The following KCNMB4 variants were observed in gnomAD, a reference collection of about 807,000 sequenced individuals.
KCNMB4 encodes the protein calcium-activated potassium channel subunit beta-4.
In KCNMB4, 3 loss-of-function variants were observed where a neutral mutation model predicts 20.7. The observed-to-expected ratio is 0.14, with a 90% confidence interval of 0.07 to 0.37. The LOEUF is 0.37. Ranked by LOEUF, KCNMB4 falls within the 10% of genes least tolerant of loss-of-function variation. KCNMB4 has a pLI of 1.00. For missense variants in KCNMB4, 168 were observed against 265.9 expected (o/e 0.63, Z 2.56); for synonymous variants, 110 against 113.4 (o/e 0.97, Z 0.19).
At chr12:70,419,109 A>T (rs1868984188) in intron 2 of KCNMB4, among the ~76,000 whole-genome samples, 1 of 152,222 alleles carries the variant, frequency 6.6e-6, no homozygotes, top group South Asian at 2.1e-4. Context: ...ATTATCAGAC[A>T]TGCTATATCA....
intron 2 of KCNMB4, chr12:70,422,778 C>T: frequency 1.6e-6 from 2 of 1,271,548 alleles, no homozygotes; most frequent in South Asian, 1.3e-5. Flanking sequence ...CCTTAATAGG[C>T]CCCCGATCTC....
chr12:70,421,470 G>GAAAAAAAAA (rs61303899), intron 2 of KCNMB4, among the ~76,000 whole-genome samples: 3 of 75,670 alleles, frequency 4.0e-5, no homozygotes, highest in Non-Finnish European at 7.3e-5. Flanking sequence ...TCTCAAAAAA[G>GAAAAAAAAA]AAAAAAAAAA....
chr12:70,426,159 T>TG (rs1276703207), intron 2 of KCNMB4, among the ~76,000 whole-genome samples: 3 of 151,964 alleles, frequency 2.0e-5, no homozygotes, highest in Admixed American at 2.0e-4. Flanking sequence ...TGGGGTGTGG[T>TG]GGCAGGCGCC....
chr12:70,371,139 G>A (rs1201675860), intron 1 of KCNMB4, among the ~76,000 whole-genome samples: 1 of 152,218 alleles, frequency 6.6e-6, no homozygotes, highest in South Asian at 2.1e-4. Flanking sequence ...TTACAGGCGT[G>A]AGCCAACACG....
chr12:70,396,347 G>A (rs983991174), intron 1 of KCNMB4, among the ~76,000 whole-genome samples: 2 of 152,122 alleles, frequency 1.3e-5, no homozygotes, highest in African/African-American at 4.8e-5. Context: ...CTCTGTCACC[G>A]AAGCTGGAGT....
chr12:70,386,016 C>T (rs767153507), intron 1 of KCNMB4, among the ~76,000 whole-genome samples: 2 of 152,084 alleles, frequency 1.3e-5, no homozygotes, highest in Non-Finnish European at 2.9e-5. Context: ...TTTATGATTA[C>T]ATTGAAACAA....
intron 1 of KCNMB4, among the ~76,000 whole-genome samples, chr12:70,397,081 G>A (rs1454410789): frequency 2.0e-5 from 3 of 152,136 alleles, no homozygotes; most frequent in Non-Finnish European, 4.4e-5. Flanking sequence ...TTTCAGACCA[G>A]GTGTGATGGC....
At chr12:70,418,432 C>T (rs1264670084) in intron 2 of KCNMB4, among the ~76,000 whole-genome samples, 1 of 152,158 alleles carries the variant, frequency 6.6e-6, no homozygotes, top group African/African-American at 2.4e-5. Flanking sequence ...TGTGCAGTCA[C>T]TATGCTTGGT....
intron 2 of KCNMB4, among the ~76,000 whole-genome samples, chr12:70,418,274 A>T (rs1565865978): frequency 6.6e-6 from 1 of 152,000 alleles, no homozygotes; most frequent in Non-Finnish European, 1.5e-5. Flanking sequence ...GGTTTCTCAC[A>T]CCCACGTTGC....
chr12:70,398,825 A>G (rs1235892086), intron 1 of KCNMB4, among the ~76,000 whole-genome samples: 2 of 152,222 alleles, frequency 1.3e-5, no homozygotes, highest in Non-Finnish European at 2.9e-5. Flanking sequence ...GAAGGCTGAC[A>G]TAAAACAGGC....
chr12:70,430,737 G>T lies in KCNMB4; in HGVS notation c.*84G>T, dbSNP rs765821544. 8.1e-6 allele frequency: 11 copies of T among 1,358,394 alleles called. No individual in the cohort carries two copies. Among genetic ancestry groups the T allele is most frequent in the African/African-American group, 1.5e-5 (1 of 67,102 alleles). The allele number at this position is 1,358,394 out of a possible 1,614,324, so 84.1% of individuals were successfully genotyped here. A position where few individuals can be genotyped will look rare whatever the true frequency, so the allele number is the denominator to read the frequency against. ...ACCTGCGGAACCTGTGTTTCCTGGC[G>T]CAGGAGATGGACAGGGCCACGACAG... On this transcript the variant is annotated 3_prime_UTR_variant, in exon 3 of 3. Coordinates refer to ENST00000258111, the MANE Select transcript of KCNMB4 (RefSeq NM_014505.6).
intron 2 of KCNMB4, among the ~76,000 whole-genome samples, chr12:70,425,758 G>A (rs1195899008): frequency 6.6e-6 from 1 of 152,146 alleles, no homozygotes; most frequent in Non-Finnish European, 1.5e-5. Flanking sequence ...AGAAACATAG[G>A]ACACTTCAGG....
At chr12:70,387,197 C>A (rs1448796826) in intron 1 of KCNMB4, among the ~76,000 whole-genome samples, 1 of 151,272 alleles carries the variant, frequency 6.6e-6, no homozygotes, top group Non-Finnish European at 1.5e-5. Flanking sequence ...AAAAATGTAT[C>A]ATTCCGACAG....
At chr12:70,376,759 C>G (rs1883694390) in intron 1 of KCNMB4, among the ~76,000 whole-genome samples, 1 of 150,114 alleles carries the variant, frequency 6.7e-6, no homozygotes, top group Non-Finnish European at 1.5e-5. Flanking sequence ...GTAGTCCCAG[C>G]AACTTGGGAG....
In KCNMB4 at chr12:70,400,454, G is replaced by C. The variant is rs2136129587; in HGVS notation, c.464+118G>C. 5 of 1,055,494 alleles carry C rather than the reference G, an allele frequency of 4.7e-6. No individual in the cohort carries two copies. In the East Asian group the frequency reaches 1.3e-4, roughly 27 times the overall value. The allele number at this position is 1,055,494 out of a possible 1,614,324, so 65.4% of individuals were successfully genotyped here. A position where few individuals can be genotyped will look rare whatever the true frequency, so the allele number is the denominator to read the frequency against. On this transcript the variant is annotated intron_variant, in intron 2 of 2. Transcript: ENST00000258111. ...ATGGAGATAGCCTCAACTCTTCTTT[G>C]CGTGTAATTAGGGAAACCCATATAA...
chr12:70,393,553 G>A (rs918871180), intron 1 of KCNMB4, among the ~76,000 whole-genome samples: 1 of 152,150 alleles, frequency 6.6e-6, no homozygotes, highest in Admixed American at 6.6e-5. Context: ...AAGATGGAAT[G>A]CCATGCCGAA....
intron 1 of KCNMB4, among the ~76,000 whole-genome samples, chr12:70,388,582 G>T (rs1868275834): frequency 6.6e-6 from 1 of 152,020 alleles, no homozygotes; most frequent in South Asian, 2.1e-4. Flanking sequence ...ATATCTCATT[G>T]TAGTTTTGAT....
intron 2 of KCNMB4, among the ~76,000 whole-genome samples, chr12:70,406,773 G>A (rs1868614244): frequency 6.6e-6 from 1 of 152,152 alleles, no homozygotes; most frequent in Non-Finnish European, 1.5e-5. Flanking sequence ...CCCTGACAGG[G>A]TTGTCTCCTC....
At chr12:70,374,035 G>C (rs1883643885) in intron 1 of KCNMB4, among the ~76,000 whole-genome samples, 2 of 152,138 alleles carry the variant, frequency 1.3e-5, no homozygotes, top group African/African-American at 4.8e-5. Flanking sequence ...TGATCTATCT[G>C]TCTGAGATTA....
Sources: allele counts gnomAD v4.1 joint callset (sites outside exome capture counted in the v4.1 genomes callset), GRCh38; gene constraint gnomAD v4.1.1; transcripts MANE v1.5; gene names NCBI Gene and HGNC (gene_info 2026-07-23, HGNC 2026-07-21).